Variants in CCDC30 observed in about 807,000 individuals in gnomAD.
The protein encoded by CCDC30 is coiled-coil domain-containing protein 30.
CCDC30 carries 70 observed loss-of-function variants against 100.2 expected under a neutral mutation model. That is an observed-to-expected ratio of 0.70 (90% CI 0.58 to 0.85). The LOEUF is 0.85. CCDC30 is among the 40% of genes least tolerant of loss of function. The pLI, the probability that CCDC30 is intolerant of heterozygous loss-of-function variation, is 0.00. For missense variants in CCDC30, 652 were observed against 771.2 expected, an observed-to-expected ratio of 0.85 and a Z score of 1.83; for synonymous variants, 233 against 269.5, an observed-to-expected ratio of 0.86 and a Z score of 1.33.
chr1:42,560,527 G>T (rs1189509174), intron 6 of CCDC30, among the ~76,000 whole-genome samples: 1 of 151,912 alleles, frequency 6.6e-6, no homozygotes, highest in South Asian at 2.1e-4. Context: ...GCACCACCAT[G>T]CCTGGCTAAT....
intron 7 of CCDC30, among the ~76,000 whole-genome samples, chr1:42,574,825 A>G (rs923845254): frequency 2.0e-5 from 3 of 152,210 alleles, no homozygotes; most frequent in African/African-American, 4.8e-5. Flanking sequence ...TAATATTAGC[A>G]TATGCCTCAG....
At position 42,482,833 on chromosome 1, in the gene CCDC30, G is replaced by C. The variant is rs1297582784; in HGVS notation, c.169+17G>C. On this transcript the variant is annotated intron_variant, in intron 3 of 16. Transcript: ENST00000668663. ...GTAAATTAGGTAAGCTGTGGTTTCA[G>C]ATGACCATTTCCGATCATGCTTTAA... is the stretch of plus-strand genomic sequence containing the variant. The C allele has an allele frequency of 4.1e-6, 5 of 1,230,834 alleles. No individual in the cohort carries two copies. Among genetic ancestry groups the C allele is most frequent in the African/African-American group, 1.6e-5 (1 of 64,184 alleles). 76.2% of individuals were successfully genotyped at this position (1,230,834 alleles called of 1,614,324 possible).
At chr1:42,610,417 T>G (rs1381777494) in intron 10 of CCDC30, among the ~76,000 whole-genome samples, 2 of 152,078 alleles carry the variant, frequency 1.3e-5, no homozygotes, top group East Asian at 1.9e-4. Flanking sequence ...ATTTTTTGTT[T>G]TTTTGTTTTG....
chr1:42,618,994 C>A (rs1255987221), intron 11 of CCDC30, among the ~76,000 whole-genome samples: 1 of 152,070 alleles, frequency 6.6e-6, no homozygotes, highest in Admixed American at 6.6e-5. Context: ...CTTACATGGC[C>A]TCATATAACT....
At chr1:42,556,765 T>C (rs1336036036) in intron 6 of CCDC30, among the ~76,000 whole-genome samples, 1 of 152,198 alleles carries the variant, frequency 6.6e-6, no homozygotes, top group Non-Finnish European at 1.5e-5. Context: ...ATGCACTTTA[T>C]TATAAAATGT....
At chr1:42,604,366 A>T (rs971484787) in intron 10 of CCDC30, among the ~76,000 whole-genome samples, 28 of 152,356 alleles carry the variant, frequency 1.8e-4, no homozygotes, top group African/African-American at 6.5e-4. Context: ...AACTCCAAGC[A>T]CTTGGCCTTT....
rs1336174685 is a variant in CCDC30 at position 42,556,406 on chromosome 1, G to A, written c.457-9890G>A. On this transcript the variant is annotated intron_variant, in intron 6 of 16. Coordinates refer to ENST00000668663, the Ensembl canonical transcript of CCDC30. ...TAGTTCAGATGACAGTGGTGCCCAG[G>A]TAGGTGCTATAAACACATGCCCTGA... 1 of 1,603,906 alleles carries A rather than the reference G, an allele frequency of 6.2e-7. No individual in the cohort carries two copies. The highest frequency in any genetic ancestry group is 1.3e-5 in the African/African-American group (1 of 74,572).
chr1:42,589,792 A>C (rs1646148076), intron 10 of CCDC30: 1 of 223,270 alleles, frequency 4.5e-6, no homozygotes, highest in Admixed American at 5.3e-5. Flanking sequence ...ATTTGCAGGA[A>C]CTGTCCTGAA....
At chr1:42,619,093 A>G (rs371582441) in intron 11 of CCDC30, among the ~76,000 whole-genome samples, 2 of 152,136 alleles carry the variant, frequency 1.3e-5, no homozygotes, top group South Asian at 4.1e-4. Context: ...GAAGAAGGAG[A>G]AGTTGGATTG....
intron 4 of CCDC30, among the ~76,000 whole-genome samples, chr1:42,491,174 A>G (rs549022768): frequency 6.6e-6 from 1 of 152,382 alleles, no homozygotes; most frequent in East Asian, 1.9e-4. Context: ...GTAAACAGAA[A>G]AAAATCAGTA....
chr1:42,547,548 G>C (rs772381874), intron 6 of CCDC30, among the ~76,000 whole-genome samples: 1 of 152,128 alleles, frequency 6.6e-6, no homozygotes, highest in African/African-American at 2.4e-5. Context: ...ATTCATCTAG[G>C]GGTGGGAAAC....
chr1:42,560,924 A>G (rs1020733723), intron 6 of CCDC30, among the ~76,000 whole-genome samples: 4 of 152,220 alleles, frequency 2.6e-5, no homozygotes, highest in African/African-American at 7.2e-5. Context: ...TGAATCCCTG[A>G]ATAGACCAGT....
At chr1:42,616,854 C>T (rs16829797) in intron 11 of CCDC30, among the ~76,000 whole-genome samples, 2,664 of 152,162 alleles carry the variant, frequency 0.018, 72 homozygotes, top group African/African-American at 0.061. Context: ...TGTAACATTA[C>T]GGAGAGTATC....
intron 7 of CCDC30, among the ~76,000 whole-genome samples, chr1:42,575,501 T>C (rs577291970): frequency 6.6e-6 from 1 of 151,712 alleles, no homozygotes; most frequent in Admixed American, 6.6e-5. Flanking sequence ...TACAAAAAAA[T>C]TAGCTGGGCA....
At chr1:42,655,308 G>A (rs1252142540), downstream of CCDC30, among the ~76,000 whole-genome samples, 4 of 152,092 alleles carry the variant, frequency 2.6e-5, no homozygotes, top group Admixed American at 2.0e-4. Flanking sequence ...TTGGGAGGCC[G>A]AGGTGGGCAG....
chr1:42,563,166 G>A (rs1291238080), intron 6 of CCDC30, among the ~76,000 whole-genome samples: 1 of 152,140 alleles, frequency 6.6e-6, no homozygotes, highest in African/African-American at 2.4e-5. Flanking sequence ...TATGTTTATT[G>A]CAGCACTATT....
chr1:42,578,990 C>T (rs1645902900), intron 8 of CCDC30, among the ~76,000 whole-genome samples: 1 of 151,954 alleles, frequency 6.6e-6, no homozygotes, highest in South Asian at 2.1e-4. Context: ...CTAGAATTAA[C>T]TTTTTTTGTT....
chr1:42,594,151 T>C (rs936617765), intron 10 of CCDC30: 16 of 152,324 alleles, frequency 1.1e-4, no homozygotes, highest in African/African-American at 3.8e-4. Context: ...TCTATGATTA[T>C]TTTGGGGTGA....
intron 6 of CCDC30, among the ~76,000 whole-genome samples, chr1:42,522,908 C>T (rs558148160): frequency 6.6e-6 from 1 of 152,148 alleles, no homozygotes; most frequent in East Asian, 1.9e-4. Context: ...TGGAGTCTCA[C>T]TCTGTTGCCC....
Sources: gnomAD v4.1 joint callset for allele counts (sites outside exome capture counted in the v4.1 genomes callset) on GRCh38, gnomAD v4.1.1 for gene constraint, MANE v1.5 for transcripts, NCBI Gene and HGNC (gene_info 2026-07-23, HGNC 2026-07-21) for gene names.